RAPGEF6: variants seen among roughly 807,000 people sequenced by gnomAD.
The protein encoded by RAPGEF6 is PDZ domain containing guanine nucleotide exchange factor (GEF) 2.
Under a neutral mutation model 171.4 loss-of-function variants are expected in RAPGEF6, and 56 were observed. The observed-to-expected ratio is 0.33, with a 90% CI of 0.26 to 0.41. The LOEUF (loss-of-function observed/expected upper bound fraction) is 0.41, where lower values mean the gene tolerates loss of function less well. Ranked by LOEUF, RAPGEF6 falls within the 10% of genes least tolerant of loss-of-function variation. The pLI, the probability that RAPGEF6 is intolerant of heterozygous loss-of-function variation, is 1.00. For synonymous variants in RAPGEF6, 692 were observed against 650.1 expected (o/e 1.06, Z -0.98); for missense variants, 1,674 against 1,921.4 (o/e 0.87, Z 2.41).
rs115665029 is a variant in RAPGEF6 at position 131,576,708 on chromosome 5, C to A, written c.282-14661G>T. ...TTTATCACTCCCACCTATTCTCCCA[C>A]TGAAACTATTACTTATCAATCCCTT... On this transcript the variant is annotated intron_variant, in intron 4 of 27. Coordinates refer to ENST00000509018, the MANE Select transcript of RAPGEF6 (RefSeq NM_016340.6). 2.1e-3 allele frequency among the ~76,000 whole-genome samples: 316 copies of A among 152,334 alleles called. 1 individual carries two copies. Among genetic ancestry groups the A allele is most frequent in the African/African-American group, 7.4e-3 (306 of 41,566 alleles).
At chr5:131,568,387 G>A (rs1180303750) in intron 4 of RAPGEF6, among the ~76,000 whole-genome samples, 2 of 151,212 alleles carry the variant, frequency 1.3e-5, no homozygotes, top group African/African-American at 4.9e-5. Flanking sequence ...TTGGAGTGAA[G>A]TGGCATGATC....
chr5:131,437,320 T>C (rs755197531), intron 24 of RAPGEF6, among the ~76,000 whole-genome samples: 20 of 152,204 alleles, frequency 1.3e-4, no homozygotes, highest in Non-Finnish European at 2.1e-4. Context: ...AGTGTAGATT[T>C]TGTTGGGAAT....
At chr5:131,475,306 G>T (rs1347498513) in intron 16 of RAPGEF6, among the ~76,000 whole-genome samples, 1 of 152,186 alleles carries the variant, frequency 6.6e-6, no homozygotes, top group Non-Finnish European at 1.5e-5. Context: ...ACAGTCTCCT[G>T]AGAAGGTGAT....
At chr5:131,529,528 C>G (rs1309912608) in intron 6 of RAPGEF6, among the ~76,000 whole-genome samples, 2 of 151,284 alleles carry the variant, frequency 1.3e-5, no homozygotes, top group African/African-American at 4.9e-5. Flanking sequence ...TTTCAGCTTG[C>G]GAGAGTACTA....
At chr5:131,465,189 AT>A (rs1754248408) in intron 17 of RAPGEF6, among the ~76,000 whole-genome samples, 1 of 152,158 alleles carries the variant, frequency 6.6e-6, no homozygotes, top group Non-Finnish European at 1.5e-5. Context: ...ACACAAGAAC[AT>A]TTTAAATGTT....
intron 15 of RAPGEF6, among the ~76,000 whole-genome samples, chr5:131,485,527 G>C (rs920918212): frequency 6.6e-6 from 1 of 152,126 alleles, no homozygotes. Flanking sequence ...CTCAAGCCAG[G>C]CTTCTCCTGG....
At chr5:131,459,499 A>G (rs1042964674) in intron 19 of RAPGEF6, among the ~76,000 whole-genome samples, 7 of 152,198 alleles carry the variant, frequency 4.6e-5, no homozygotes, top group Non-Finnish European at 1.0e-4. Flanking sequence ...TTAACTAACC[A>G]CAAAATGCAG....
chr5:131,472,716 C>T lies in RAPGEF6; in HGVS notation c.2110G>A (p.Asp704Asn). The T allele has an allele frequency of 6.2e-7, 1 of 1,612,354 alleles. No homozygotes were observed. Among genetic ancestry groups the T allele is most frequent in the South Asian group, 1.1e-5 (1 of 91,020 alleles). Residue 704 changes from aspartate to asparagine, a missense_variant, in exon 17 of 28, where the codon GAC (aspartate) becomes AAC (asparagine). Asp to Asn is a conservative substitution (Grantham distance 23). This residue lies in a region of RAPGEF6 where 1,116 missense variants were observed against 1,321.5 expected (regional missense o/e 0.84). Coordinates refer to ENST00000509018, the MANE Select transcript of RAPGEF6 (RefSeq NM_016340.6). The stretch of plus-strand genomic sequence containing the variant: ...CAGTGCCTTGTTCCCACAATGCTGT[C>T]ATCTTGTGATTGGCTTAGGCCTCCA... Reference protein sequence around the residue: ...SDGGLSQSQDDSIVGTRHCRH... With the variant: ...SDGGLSQSQDNSIVGTRHCRH...
chr5:131,428,059 T>C (rs528790357), intron 27 of RAPGEF6, among the ~76,000 whole-genome samples: 1 of 152,172 alleles, frequency 6.6e-6, no homozygotes, highest in South Asian at 2.1e-4. Context: ...GCCACGATCA[T>C]GCCACTGCAC....
intron 1 of RAPGEF6, among the ~76,000 whole-genome samples, chr5:131,622,521 T>C (rs1033263194): frequency 1.3e-5 from 2 of 152,260 alleles, no homozygotes; most frequent in African/African-American, 4.8e-5. Context: ...GTCTCACCTT[T>C]GGCATGTAAT....
intron 9 of RAPGEF6, among the ~76,000 whole-genome samples, chr5:131,506,251 C>G (rs1757364778): frequency 6.6e-6 from 1 of 152,194 alleles, no homozygotes; most frequent in Non-Finnish European, 1.5e-5. Context: ...AGTGATCCTC[C>G]TGCCTCAGCC....
chr5:131,614,281 CAAAAA>C (rs386404987), intron 1 of RAPGEF6, among the ~76,000 whole-genome samples: 9 of 81,414 alleles, frequency 1.1e-4, no homozygotes, highest in East Asian at 3.6e-4. Flanking sequence ...GACTCTGTCT[CAAAAA>C]AAAAAAAAAA....
At chr5:131,473,727 G>A (rs1453665308) in intron 16 of RAPGEF6, among the ~76,000 whole-genome samples, 2 of 152,064 alleles carry the variant, frequency 1.3e-5, no homozygotes, top group African/African-American at 2.4e-5. Context: ...AAAGATTAAA[G>A]TATAGTATTA....
intron 7 of RAPGEF6, 37 bp from the exon 8 acceptor site, chr5:131,510,528 TA>T: frequency 6.3e-7 from 1 of 1,576,062 alleles, no homozygotes; most frequent in Non-Finnish European, 8.7e-7. Context: ...CCATTTCATG[TA>T]AAAAATATTA....
chr5:131,452,514 AG>A (rs1452825447), intron 21 of RAPGEF6, among the ~76,000 whole-genome samples: 1 of 152,226 alleles, frequency 6.6e-6, no homozygotes, highest in African/African-American at 2.4e-5. Context: ...AAACAGAAAC[AG>A]AACATTAAAA....
At chr5:131,605,629 T>C (rs1014797460) in intron 1 of RAPGEF6, among the ~76,000 whole-genome samples, 3 of 152,192 alleles carry the variant, frequency 2.0e-5, no homozygotes, top group Non-Finnish European at 4.4e-5. Flanking sequence ...CACTCTGATA[T>C]ACAACTGGCC....
chr5:131,465,347 G>A (rs971239010), intron 17 of RAPGEF6, among the ~76,000 whole-genome samples: 29 of 151,882 alleles, frequency 1.9e-4, no homozygotes, highest in Non-Finnish European at 3.5e-4. Context: ...TGTCATTATA[G>A]AACTCTGGAC....
chr5:131,567,766 G>C (rs1029960185), intron 4 of RAPGEF6, among the ~76,000 whole-genome samples: 3 of 152,070 alleles, frequency 2.0e-5, no homozygotes, highest in African/African-American at 7.2e-5. Context: ...CTAATTTTCA[G>C]TCTAGTGGTT....
intron 18 of RAPGEF6, among the ~76,000 whole-genome samples, chr5:131,463,329 AGCACTTTGGGAG>A (rs1256308158): frequency 6.6e-6 from 1 of 152,198 alleles, no homozygotes; most frequent in Non-Finnish European, 1.5e-5. Context: ...TCGTAATGCC[AGCACTTTGGGAG>A]GCTGAGGCAG....
Sources: gnomAD v4.1 joint callset for allele counts (sites outside exome capture counted in the v4.1 genomes callset) on GRCh38, gnomAD v4.1.1 for gene constraint, gnomAD v4.1.1 regional missense constraint, MANE v1.5 for transcripts, NCBI Gene and HGNC (gene_info 2026-07-23, HGNC 2026-07-21) for gene names.